GRIK1: variants seen among roughly 807,000 people sequenced by gnomAD.
The protein encoded by GRIK1 is glutamate receptor ionotropic, kainate 1.
In GRIK1, 69 loss-of-function variants were observed where a neutral mutation model predicts 105.7. The ratio of observed to expected loss-of-function variants is 0.65; its 90% CI spans 0.54 to 0.80. GRIK1 has a LOEUF of 0.80. Among genes scored for constraint, GRIK1 ranks in the 30% least tolerant of loss-of-function variants. The probability of loss-of-function intolerance (pLI) is 0.00; values close to 1 mark genes in which losing one functional copy is unlikely to be tolerated. For missense variants in GRIK1, 1,109 were observed against 1,167.3 expected (o/e 0.95, Z 0.73); for synonymous variants, 438 against 431.3 (o/e 1.02, Z -0.19).
At chr21:29,613,558 C>T (rs967054584) in intron 7 of GRIK1, among the ~76,000 whole-genome samples, 2 of 152,158 alleles carry the variant, frequency 1.3e-5, no homozygotes, top group Admixed American at 6.5e-5. Flanking sequence ...GGTCTGATTA[C>T]AGTTCTGAAG....
intron 1 of GRIK1, among the ~76,000 whole-genome samples, chr21:29,741,114 G>A (rs554316367): frequency 3.3e-5 from 5 of 152,234 alleles, no homozygotes; most frequent in African/African-American, 9.6e-5. Flanking sequence ...TTCTTGGAAG[G>A]CTTACTCAAT....
At chr21:29,537,427 A>C in intron 17 of GRIK1, 42 bp from the exon 18 acceptor site, 1 of 1,531,522 alleles carries the variant, frequency 6.5e-7, no homozygotes, top group Non-Finnish European at 8.9e-7. Context: ...AATTAAGCCT[A>C]TCGCATGTGC....
At chr21:29,917,320 C>T (rs1011902120) in intron 1 of GRIK1, among the ~76,000 whole-genome samples, 7 of 152,154 alleles carry the variant, frequency 4.6e-5, no homozygotes, top group Admixed American at 2.0e-4. Context: ...AATAATTAAG[C>T]ATGTCTCACT....
At chr21:29,602,263 A>T (rs2061533173) in intron 7 of GRIK1, among the ~76,000 whole-genome samples, 1 of 152,250 alleles carries the variant, frequency 6.6e-6, no homozygotes, top group Admixed American at 6.5e-5. Flanking sequence ...GCTGGGCTAT[A>T]TAAAACATAA....
At position 29,562,396 on chromosome 21, in the gene GRIK1, T is replaced by C. The variant is rs138889122; in HGVS notation, c.2131-547A>G. Among the ~76,000 whole-genome samples the C allele has an allele frequency of 3.2e-3, 480 of 152,352 alleles. 2 individuals carry two copies. Among genetic ancestry groups the C allele is most frequent in the African/African-American group, 0.011 (461 of 41,584 alleles). On this transcript the variant is annotated intron_variant, in intron 14 of 17. Coordinates refer to ENST00000327783, the MANE Select transcript of GRIK1 (RefSeq NM_001330994.2). Reference sequence around the variant, plus strand: ...TCAGCCAGGCCTGGTGGCTCACACCTGTAATCCCAGCACTTTGGGAGGCCG... The same window carrying C: ...TCAGCCAGGCCTGGTGGCTCACACCCGTAATCCCAGCACTTTGGGAGGCCG...
chr21:29,614,402 CTTTTTTTT>C (rs35063316), intron 7 of GRIK1, among the ~76,000 whole-genome samples: 100 of 83,084 alleles, frequency 1.2e-3, no homozygotes, highest in African/African-American at 4.2e-3. Context: ...TAAAATCCCT[CTTTTTTTT>C]TTTTTTTTTT....
chr21:29,562,643 G>A (rs975483101), intron 14 of GRIK1, among the ~76,000 whole-genome samples: 2 of 151,268 alleles, frequency 1.3e-5, no homozygotes, highest in African/African-American at 2.4e-5. Flanking sequence ...CAAAAACAGC[G>A]AGACTCTGTC....
At chr21:29,931,908 T>C (rs776727629) in intron 1 of GRIK1, among the ~76,000 whole-genome samples, 7 of 152,194 alleles carry the variant, frequency 4.6e-5, no homozygotes, top group Admixed American at 3.3e-4. Flanking sequence ...TTTTTTTGAA[T>C]TTTTAAAGGG....
chr21:29,603,448 C>A (rs555897992), intron 7 of GRIK1, among the ~76,000 whole-genome samples: 1 of 152,150 alleles, frequency 6.6e-6, no homozygotes, highest in East Asian at 1.9e-4. Context: ...AATGGCATAT[C>A]TTTATGGTCA....
At chr21:29,713,509 T>A (rs1279685569) in intron 1 of GRIK1, among the ~76,000 whole-genome samples, 1 of 152,212 alleles carries the variant, frequency 6.6e-6, no homozygotes, top group Non-Finnish European at 1.5e-5. Flanking sequence ...TTGGAATTTA[T>A]CTTGAGGCAT....
chr21:29,672,560 A>G (rs1014087573), intron 4 of GRIK1, among the ~76,000 whole-genome samples: 1 of 152,106 alleles, frequency 6.6e-6, no homozygotes, highest in Non-Finnish European at 1.5e-5. Flanking sequence ...TGTGTTTGCA[A>G]TCCTGCATGT....
chr21:29,649,366 T>C (rs1001964592), intron 6 of GRIK1, among the ~76,000 whole-genome samples: 2 of 152,182 alleles, frequency 1.3e-5, no homozygotes, highest in African/African-American at 4.8e-5. Context: ...TCTTCTGCTC[T>C]GGTAAATCCC....
chr21:29,576,811 T>C (rs1256912191), intron 14 of GRIK1, among the ~76,000 whole-genome samples, 153 bp downstream of exon 14: 2 of 152,182 alleles, frequency 1.3e-5, no homozygotes, highest in Non-Finnish European at 2.9e-5. Flanking sequence ...GGATTCCTTA[T>C]AATGGGATTA....
chr21:29,863,471 C>A (rs972178432), intron 1 of GRIK1, among the ~76,000 whole-genome samples: 1 of 152,178 alleles, frequency 6.6e-6, no homozygotes, highest in African/African-American at 2.4e-5. Flanking sequence ...TCCCAAACCC[C>A]AGCTCATCTG....
chr21:29,788,859 G>A (rs897040276), intron 1 of GRIK1, among the ~76,000 whole-genome samples: 14 of 152,098 alleles, frequency 9.2e-5, no homozygotes, highest in Non-Finnish European at 1.8e-4. Context: ...ATCTAATCCC[G>A]CTGCTGATCT....
At chr21:29,765,051 T>C (rs976774226) in intron 1 of GRIK1, among the ~76,000 whole-genome samples, 2 of 152,100 alleles carry the variant, frequency 1.3e-5, no homozygotes, top group Non-Finnish European at 2.9e-5. Flanking sequence ...GGAGAAAAAA[T>C]AGTGAGATAT....
chr21:29,615,302 C>T (rs2061823659), intron 7 of GRIK1, among the ~76,000 whole-genome samples: 1 of 148,688 alleles, frequency 6.7e-6, no homozygotes, highest in Non-Finnish European at 1.5e-5. Context: ...CCCACTATTC[C>T]TTTTTTTCTT....
intron 1 of GRIK1, among the ~76,000 whole-genome samples, chr21:29,822,162 A>G (rs890755232): frequency 1.3e-5 from 2 of 152,038 alleles, no homozygotes; most frequent in African/African-American, 2.4e-5. Context: ...TATATTGTAG[A>G]GTCTCTGGGC....
At chr21:29,763,325 TC>T (rs1271755618) in intron 1 of GRIK1, among the ~76,000 whole-genome samples, 1 of 152,104 alleles carries the variant, frequency 6.6e-6, no homozygotes, top group Non-Finnish European at 1.5e-5. Flanking sequence ...TCCTGAGGCT[TC>T]CCCAGCCATA....
Sources: allele counts gnomAD v4.1 joint callset (sites outside exome capture counted in the v4.1 genomes callset), GRCh38; gene constraint gnomAD v4.1.1; transcripts MANE v1.5; gene names NCBI Gene and HGNC (gene_info 2026-07-23, HGNC 2026-07-21).